The following CPNE5 variants were observed in gnomAD, a reference collection of about 807,000 sequenced individuals.
CPNE5 encodes copine-5.
CPNE5 carries 42 observed loss-of-function variants against 81.1 expected under a neutral mutation model. The observed-to-expected ratio is 0.52, with a 90% CI of 0.40 to 0.67. The LOEUF is 0.67. Among genes scored for constraint, CPNE5 ranks in the 30% least tolerant of loss-of-function variants. The probability of loss-of-function intolerance (pLI) is 0.00; values close to 1 mark genes in which losing one functional copy is unlikely to be tolerated. For synonymous variants in CPNE5, 313 were observed against 321.5 expected (o/e 0.97, Z 0.28); for missense variants, 612 against 815.5 (o/e 0.75, Z 3.04).
At chr6:36,836,334 G>A (rs1314095732) in intron 1 of CPNE5, among the ~76,000 whole-genome samples, 2 of 152,174 alleles carry the variant, frequency 1.3e-5, no homozygotes, top group East Asian at 3.9e-4. Context: ...GATGGGCACA[G>A]CAGGTGCAGG....
intron 1 of CPNE5, among the ~76,000 whole-genome samples, chr6:36,836,828 G>A (rs534360880): frequency 6.6e-5 from 10 of 151,992 alleles, no homozygotes; most frequent in Non-Finnish European, 1.2e-4. Context: ...ACAATTTCCA[G>A]GCCACCCAGA....
intron 10 of CPNE5, among the ~76,000 whole-genome samples, chr6:36,770,093 C>G (rs1582816957): frequency 6.6e-6 from 1 of 152,168 alleles, no homozygotes; most frequent in Non-Finnish European, 1.5e-5. Context: ...TGCTTCCTGT[C>G]ATCACCCCAC....
At position 36,794,181 on chromosome 6, in the gene CPNE5, A is replaced by C. The variant is rs78765327; in HGVS notation, c.464+409T>G. On this transcript the variant is annotated intron_variant, in intron 7 of 20. Transcript: ENST00000244751. ...AAACAAGGGAGGGGAACAGGGGGGA[A>C]AGGATAAAGACAGGGGAGGAAAGAG... Among the ~76,000 whole-genome samples, 371 of 146,220 alleles carry C rather than the reference A, an allele frequency of 2.5e-3. 3 individuals are homozygous for C. Among genetic ancestry groups the C allele is most frequent in the African/African-American group, 9.0e-3 (356 of 39,714 alleles).
At chr6:36,742,914 T>C in intron 20 of CPNE5, 1 of 985,424 alleles carries the variant, frequency 1.0e-6, no homozygotes. Context: ...CTGGGGCTAA[T>C]CTGGCCAATG....
intron 3 of CPNE5, 34 bp from the exon 4 acceptor site, chr6:36,800,104 C>G (rs372193657): frequency 6.5e-7 from 1 of 1,543,580 alleles, no homozygotes. Context: ...ACCTCAGGGC[C>G]GGGCTGGTGG....
At chr6:36,798,745 T>C (rs1349349611) in intron 4 of CPNE5, among the ~76,000 whole-genome samples, 1 of 152,044 alleles carries the variant, frequency 6.6e-6, no homozygotes, top group Admixed American at 6.5e-5. Flanking sequence ...GGCACAAAGA[T>C]TTATGCGCTT....
At position 36,769,728 on chromosome 6, in the gene CPNE5, C is replaced by T. The variant is rs56661932; in HGVS notation, c.738-4352G>A. On this transcript the variant is annotated intron_variant, in intron 10 of 20. Transcript: ENST00000244751. ...GGGCAGTGCCGCGGTGACCGTGCCTCCCGTCTGAGCCTCAGCTTCTGCATG... is the reference window on the plus strand; with the variant it reads ...GGGCAGTGCCGCGGTGACCGTGCCTTCCGTCTGAGCCTCAGCTTCTGCATG... Among the ~76,000 whole-genome samples, 344 of 152,318 alleles carry T rather than the reference C, an allele frequency of 2.3e-3. 2 individuals carry two copies. The highest frequency in any genetic ancestry group is 7.9e-3 in the African/African-American group (327 of 41,562).
intron 1 of CPNE5, among the ~76,000 whole-genome samples, chr6:36,836,095 C>A (rs1430672856): frequency 1.3e-5 from 2 of 152,198 alleles, no homozygotes; most frequent in East Asian, 1.9e-4. Context: ...ACATTCATAA[C>A]CGTTGTGCCA....
In CPNE5 at chr6:36,822,171, A is replaced by G. The variant is rs754817813; in HGVS notation, c.137-11T>C. 2.3e-5 allele frequency: 34 copies of G among 1,453,366 alleles called. No individual in the cohort carries two copies. The highest frequency in any genetic ancestry group is 2.8e-5 in the African/African-American group (2 of 71,834). 90.0% of individuals were successfully genotyped at this position (1,453,366 alleles called of 1,614,324 possible). A position where few individuals can be genotyped will look rare whatever the true frequency, so the allele number is the denominator to read the frequency against. On this transcript the variant is annotated splice_polypyrimidine_tract_variant and intron_variant, in intron 2 of 20. Coordinates refer to ENST00000244751, the MANE Select transcript of CPNE5 (RefSeq NM_020939.2). ...TATACATGACGCACACTGCGGGGGG[A>G]GGAGAAACAGTGGATTAATACCTCA...
intron 12 of CPNE5, among the ~76,000 whole-genome samples, chr6:36,761,280 G>A (rs1766002498): frequency 6.6e-6 from 1 of 152,248 alleles, no homozygotes; most frequent in Non-Finnish European, 1.5e-5. Context: ...GCAATGTACT[G>A]TATTAGAGCC....
intron 8 of CPNE5, among the ~76,000 whole-genome samples, chr6:36,787,378 C>T (rs1290709008): frequency 6.6e-6 from 1 of 152,230 alleles, no homozygotes; most frequent in East Asian, 1.9e-4. Context: ...ATTCCTCATC[C>T]ATCACTCCTG....
intron 8 of CPNE5, among the ~76,000 whole-genome samples, chr6:36,786,012 C>CAAA (rs36060316): frequency 3.0e-4 from 25 of 83,750 alleles, no homozygotes; most frequent in East Asian, 8.8e-4. Flanking sequence ...GACTCCGTCT[C>CAAA]AAAAAAAAAA....
At chr6:36,788,469 C>T (rs1369329605) in intron 8 of CPNE5, among the ~76,000 whole-genome samples, 1 of 152,104 alleles carries the variant, frequency 6.6e-6, no homozygotes, top group Non-Finnish European at 1.5e-5. Flanking sequence ...ATTAGGAGTT[C>T]CAAGGCCTGA....
At chr6:36,774,681 C>T (rs1338615296) in intron 10 of CPNE5, among the ~76,000 whole-genome samples, 1 of 152,250 alleles carries the variant, frequency 6.6e-6, no homozygotes, top group Non-Finnish European at 1.5e-5. Flanking sequence ...GAGTTTCCCA[C>T]CAGTGGGGAT....
chr6:36,762,835 A>C, intron 12 of CPNE5, 82 bp downstream of exon 12: 1 of 1,105,134 alleles, frequency 9.0e-7, no homozygotes, highest in Non-Finnish European at 1.4e-6. Context: ...CCAAGCCCCC[A>C]GCCCAGTGCA....
At chr6:36,827,230 A>G in intron 1 of CPNE5, 1 of 685,466 alleles carries the variant, frequency 1.5e-6, no homozygotes, top group Non-Finnish European at 1.8e-6. Flanking sequence ...TGCGCCCTAC[A>G]CCCTCTGATC....
At chr6:36,827,530 C>G in intron 1 of CPNE5, 1 of 985,410 alleles carries the variant, frequency 1.0e-6, no homozygotes, top group Non-Finnish European at 1.2e-6. Flanking sequence ...GGCAGCCGTC[C>G]AAATACCACA....
intron 1 of CPNE5, chr6:36,827,333 C>A (rs1772587294): frequency 1.0e-6 from 1 of 985,370 alleles, no homozygotes; most frequent in South Asian, 4.7e-5. Context: ...CCTACCTTGG[C>A]TTTGGACGGG....
chr6:36,804,183 C>T lies in CPNE5; in HGVS notation c.184-4113G>A, dbSNP rs538776205. Among the ~76,000 whole-genome samples, 14 of 152,254 alleles carry T rather than the reference C, an allele frequency of 9.2e-5. No homozygotes were observed. The South Asian group carries it at 2.9e-3, about 32-fold the overall frequency. ...AACCCAGGTATATCTAACTCCAAAG[C>T]CCATTATATTTTTACTGCATCTAAC... On this transcript the variant is annotated intron_variant, in intron 3 of 20. Coordinates refer to ENST00000244751, the MANE Select transcript of CPNE5 (RefSeq NM_020939.2).
Sources: allele counts gnomAD v4.1 joint callset (sites outside exome capture counted in the v4.1 genomes callset), GRCh38; gene constraint gnomAD v4.1.1; transcripts MANE v1.5; gene names NCBI Gene and HGNC (gene_info 2026-07-23, HGNC 2026-07-21).